Variants in CEP112 observed in about 807,000 individuals in gnomAD.
CEP112 encodes centrosomal protein of 112 kDa.
A neutral mutation model predicts 153.0 loss-of-function variants in CEP112; 127 were observed. The observed-to-expected ratio is 0.83, with a 90% CI of 0.72 to 0.96. The LOEUF is 0.96. Among genes scored for constraint, CEP112 ranks in the 40% least tolerant of loss-of-function variants. The pLI is 0.00. For synonymous variants in CEP112, 358 were observed against 374.4 expected (o/e 0.96, Z 0.51); for missense variants, 1,089 against 1,101.2 (o/e 0.99, Z 0.16).
At position 66,002,326 on chromosome 17, in the gene CEP112, T is replaced by C. The variant is rs139381492; in HGVS notation, c.1736+3364A>G. ...CTTTTCCATTAACATCTCAAACACA[T>C]TATATATCATCCCAATTCACAAGAC... On this transcript the variant is annotated intron_variant, in intron 17 of 26. Transcript: ENST00000535342. 6.5e-3 allele frequency among the ~76,000 whole-genome samples: 996 copies of C among 152,284 alleles called. 5 individuals carry two copies. The highest frequency in any genetic ancestry group is 0.01 in the Non-Finnish European group (705 of 68,018).
At chr17:66,125,051 C>T (rs888371946) in intron 6 of CEP112, among the ~76,000 whole-genome samples, 2 of 151,742 alleles carry the variant, frequency 1.3e-5, no homozygotes, top group East Asian at 3.9e-4. Flanking sequence ...TAAATATTTA[C>T]TATTTAAAAA....
At chr17:65,869,963 G>GA (rs923116134) in intron 20 of CEP112, among the ~76,000 whole-genome samples, 3 of 137,278 alleles carry the variant, frequency 2.2e-5, no homozygotes, top group Admixed American at 7.8e-5. Flanking sequence ...CTAATGTCAA[G>GA]AAAAAAAAAT....
chr17:65,783,329 G>T (rs2054101018), intron 21 of CEP112, among the ~76,000 whole-genome samples: 1 of 152,158 alleles, frequency 6.6e-6, no homozygotes, highest in South Asian at 2.1e-4. Context: ...AACTCTCCTA[G>T]ATTGTTGACA....
chr17:65,912,748 G>T (rs977308775), intron 19 of CEP112, among the ~76,000 whole-genome samples: 1 of 152,136 alleles, frequency 6.6e-6, no homozygotes, highest in Non-Finnish European at 1.5e-5. Context: ...AAATTATATT[G>T]ATCATCAAAT....
At chr17:65,749,521 T>TAAATA (rs914998702) in intron 22 of CEP112, among the ~76,000 whole-genome samples, 35 of 151,454 alleles carry the variant, frequency 2.3e-4, no homozygotes, top group Non-Finnish European at 3.8e-4. Flanking sequence ...AAAAAATAAA[T>TAAATA]AAATAAAATA....
chr17:65,895,151 T>C (rs1372631810), intron 20 of CEP112, among the ~76,000 whole-genome samples: 1 of 152,120 alleles, frequency 6.6e-6, no homozygotes, highest in African/African-American at 2.4e-5. Context: ...TTATGCTTTC[T>C]GAATCTTTCT....
chr17:66,096,020 C>G (rs1344440470), intron 8 of CEP112, among the ~76,000 whole-genome samples: 1 of 152,092 alleles, frequency 6.6e-6, no homozygotes, highest in Non-Finnish European at 1.5e-5. Context: ...TCTGATCACA[C>G]CACTGCACTC....
chr17:65,937,564 G>T (rs1176710212), intron 18 of CEP112, among the ~76,000 whole-genome samples: 14 of 90,470 alleles, frequency 1.5e-4, no homozygotes, highest in South Asian at 6.2e-4. Context: ...CCGGGAGGGA[G>T]GTGGGGGGGG....
chr17:66,154,053 C>T (rs1054923062), intron 4 of CEP112, among the ~76,000 whole-genome samples: 1 of 151,516 alleles, frequency 6.6e-6, no homozygotes, highest in African/African-American at 2.4e-5. Context: ...GTGGCACATG[C>T]CTGTAGTCCC....
chr17:65,987,489 G>A (rs2063450240), intron 17 of CEP112, among the ~76,000 whole-genome samples: 2 of 152,112 alleles, frequency 1.3e-5, no homozygotes, highest in African/African-American at 2.4e-5. Context: ...AATAAACTAA[G>A]CTTAAACTTT....
At chr17:66,186,874 G>T (rs117966354) in intron 1 of CEP112, among the ~76,000 whole-genome samples, 5,188 of 152,170 alleles carry the variant, frequency 0.034, 131 homozygotes, top group Middle Eastern at 0.061. Flanking sequence ...TCTTGCTTCA[G>T]GGAAAAAATA....
chr17:65,672,602 A>G (rs2047040847), intron 24 of CEP112, among the ~76,000 whole-genome samples: 2 of 152,182 alleles, frequency 1.3e-5, no homozygotes, highest in African/African-American at 4.8e-5. Context: ...ACCACTATTA[A>G]TTCATTTTCA....
intron 20 of CEP112, among the ~76,000 whole-genome samples, chr17:65,898,999 C>T (rs1019614907): frequency 2.0e-5 from 3 of 152,104 alleles, no homozygotes; most frequent in African/African-American, 7.2e-5. Context: ...TCTAATTCAA[C>T]AGGATAAACT....
chr17:66,128,585 T>C (rs956488590), intron 6 of CEP112, among the ~76,000 whole-genome samples: 10 of 152,186 alleles, frequency 6.6e-5, no homozygotes, highest in East Asian at 1.9e-4. Flanking sequence ...CTGGTTGAAA[T>C]TGGTATGAAC....
intron 6 of CEP112, among the ~76,000 whole-genome samples, chr17:66,103,348 T>A (rs2068644940): frequency 2.6e-5 from 4 of 152,008 alleles, no homozygotes; most frequent in Admixed American, 6.6e-5. Context: ...AGCATTTTTT[T>A]AAAAAAGATA....
At chr17:65,982,787 T>C (rs2063274750) in intron 17 of CEP112, among the ~76,000 whole-genome samples, 1 of 152,176 alleles carries the variant, frequency 6.6e-6, no homozygotes, top group African/African-American at 2.4e-5. Flanking sequence ...CTATTCACAA[T>C]AGCCAAAAGG....
intron 23 of CEP112, among the ~76,000 whole-genome samples, chr17:65,713,551 C>G (rs1190084633): frequency 6.6e-6 from 1 of 152,106 alleles, no homozygotes; most frequent in African/African-American, 2.4e-5. Context: ...ATTTCTTTAA[C>G]AGCTATTATT....
chr17:65,797,694 C>G (rs746958901), intron 21 of CEP112, among the ~76,000 whole-genome samples: 2 of 152,172 alleles, frequency 1.3e-5, no homozygotes, highest in African/African-American at 2.4e-5. Context: ...AAGGAAGACA[C>G]GGCAGTTCAA....
chr17:66,177,086 C>CAAAGGTA, intron 2 of CEP112, 66 bp from the exon 3 acceptor site: 2 of 1,256,698 alleles, frequency 1.6e-6, no homozygotes, highest in South Asian at 3.0e-5. Flanking sequence ...ATTACAAAGA[C>CAAAGGTA]CTATAATAGC....
Sources: gnomAD v4.1 joint callset for allele counts (sites outside exome capture counted in the v4.1 genomes callset) on GRCh38, gnomAD v4.1.1 for gene constraint, MANE v1.5 for transcripts, NCBI Gene and HGNC (gene_info 2026-07-23, HGNC 2026-07-21) for gene names.